ADAMTSL1: variants seen among roughly 807,000 people sequenced by gnomAD.
ADAMTSL1 encodes the protein ADAMTS-like protein 1.
Under a neutral mutation model 201.8 loss-of-function variants are expected in ADAMTSL1, and 126 were observed. That is an observed-to-expected ratio of 0.62 (90% confidence interval 0.54 to 0.72). The LOEUF (loss-of-function observed/expected upper bound fraction) is 0.72. ADAMTSL1 is among the 30% of genes least tolerant of loss of function. The pLI is 0.00. For missense variants in ADAMTSL1, 2,679 were observed against 2,277.8 expected (o/e 1.18, Z -3.59); for synonymous variants, 1,121 against 903.4 (o/e 1.24, Z -4.32).
At chr9:18,244,597 A>C (rs1489214362) in intron 2 of ADAMTSL1, among the ~76,000 whole-genome samples, 1 of 151,814 alleles carries the variant, frequency 6.6e-6, no homozygotes, top group Non-Finnish European at 1.5e-5. Flanking sequence ...TTCACCCTTC[A>C]AGCATGAACT....
At chr9:18,047,051 A>T (rs1290311022) in intron 1 of ADAMTSL1, among the ~76,000 whole-genome samples, 1 of 152,180 alleles carries the variant, frequency 6.6e-6, no homozygotes. Flanking sequence ...ATGACTACAT[A>T]GGATAATGGG....
chr9:18,096,457 C>T (rs1387790918), intron 1 of ADAMTSL1, among the ~76,000 whole-genome samples: 1 of 152,180 alleles, frequency 6.6e-6, no homozygotes, highest in Non-Finnish European at 1.5e-5. Context: ...ATAGTAGCCA[C>T]TGGCCCATGT....
At chr9:18,217,610 T>A (rs1830099707) in intron 2 of ADAMTSL1, among the ~76,000 whole-genome samples, 1 of 152,194 alleles carries the variant, frequency 6.6e-6, no homozygotes. Flanking sequence ...ATGATGGACA[T>A]GACAGGTTAT....
chr9:18,476,422 T>C (rs536638732), intron 1 of ADAMTSL1, among the ~76,000 whole-genome samples: 1 of 152,192 alleles, frequency 6.6e-6, no homozygotes, highest in Non-Finnish European at 1.5e-5. Flanking sequence ...CAGGTTGGTC[T>C]GTACCCTTTG....
At chr9:18,797,940 A>G (rs1822535546) in intron 20 of ADAMTSL1, among the ~76,000 whole-genome samples, 1 of 152,188 alleles carries the variant, frequency 6.6e-6, no homozygotes, top group Non-Finnish European at 1.5e-5. Context: ...ATCTTTCAGT[A>G]TGTGTCTTAA....
intron 1 of ADAMTSL1, among the ~76,000 whole-genome samples, chr9:18,100,785 C>T (rs1212459125): frequency 1.3e-5 from 2 of 152,172 alleles, no homozygotes; most frequent in Non-Finnish European, 2.9e-5. Flanking sequence ...TTGTTGTATT[C>T]ACTGTTATTG....
intron 2 of ADAMTSL1, among the ~76,000 whole-genome samples, chr9:18,293,303 A>G (rs959619067): frequency 1.3e-5 from 2 of 152,244 alleles, no homozygotes; most frequent in Non-Finnish European, 2.9e-5. Context: ...GCTGGATCAA[A>G]TAAGTAGTTC....
At chr9:18,890,724 C>CA (rs1431608245) in intron 25 of ADAMTSL1, 2 of 363,616 alleles carry the variant, frequency 5.5e-6, no homozygotes, top group Non-Finnish European at 1.1e-5. Flanking sequence ...TTCTCAAACC[C>CA]CCCCCACCCC....
intron 3 of ADAMTSL1, among the ~76,000 whole-genome samples, chr9:18,543,306 C>T (rs1260061581): frequency 6.6e-6 from 1 of 151,304 alleles, no homozygotes; most frequent in Admixed American, 6.6e-5. Context: ...TTAGGCAACA[C>T]ATCTGCAAAA....
rs56662538 is a variant in ADAMTSL1 at position 18,655,806 on chromosome 9, T to TAAAAAAAAAAAAAA, written c.835-1815_835-1802dup. ...AGAGAGCTAGAGGCTTTTGTGAGCT[T>TAAAAAAAAAAAAAA]AAAAAAAAAAAAAAAAAAAAAAAAA... On this transcript the variant is annotated intron_variant, in intron 7 of 28. Transcript: ENST00000380548. Among the ~76,000 whole-genome samples the TAAAAAAAAAAAAAA allele has an allele frequency of 2.2e-3, 180 of 81,834 alleles. 16 individuals are homozygous for TAAAAAAAAAAAAAA. The highest frequency in any genetic ancestry group is 9.6e-3 in the African/African-American group (145 of 15,096). 53.7% of individuals were successfully genotyped at this position (81,834 alleles called of 152,430 possible).
intron 23 of ADAMTSL1, among the ~76,000 whole-genome samples, chr9:18,834,474 T>C (rs1825190337): frequency 6.6e-6 from 1 of 152,184 alleles, no homozygotes; most frequent in South Asian, 2.1e-4. Context: ...AATCTGGTAG[T>C]TGATATTCAA....
At chr9:18,410,467 C>T (rs1818391095) in intron 2 of ADAMTSL1, among the ~76,000 whole-genome samples, 1 of 152,126 alleles carries the variant, frequency 6.6e-6, no homozygotes, top group African/African-American at 2.4e-5. Context: ...CAAGTGAGAA[C>T]ATGTGGTGTT....
intron 2 of ADAMTSL1, among the ~76,000 whole-genome samples, chr9:18,300,942 A>T (rs1317805422): frequency 6.6e-6 from 1 of 152,186 alleles, no homozygotes; most frequent in Non-Finnish European, 1.5e-5. Flanking sequence ...TGTTTGGGGA[A>T]AATTGCCTAT....
At chr9:18,677,663 A>G (rs1830203783) in intron 10 of ADAMTSL1, among the ~76,000 whole-genome samples, 1 of 152,036 alleles carries the variant, frequency 6.6e-6, no homozygotes. Context: ...TTAGGTTAAA[A>G]TTGATTTCTT....
In ADAMTSL1 at chr9:18,888,090, C is replaced by T. The variant is rs762412750; in HGVS notation, c.4462+47C>T. ...GCATACTGGACTTGAACAAGAAAGC[C>T]CACTTGGGAATCTAACTATCTAGCA... On this transcript the variant is annotated intron_variant, in intron 24 of 28. Coordinates refer to ENST00000380548, the MANE Select transcript of ADAMTSL1 (RefSeq NM_001040272.6). 4.1e-5 allele frequency: 65 copies of T among 1,570,116 alleles called. 1 individual carries two copies. In the Middle Eastern group the frequency reaches 2.0e-3, roughly 49 times the overall value.
At chr9:18,682,928 T>A (rs1446801499) in intron 12 of ADAMTSL1, among the ~76,000 whole-genome samples, 1 of 152,144 alleles carries the variant, frequency 6.6e-6, no homozygotes, top group Non-Finnish European at 1.5e-5. Context: ...ATGGGTGTAA[T>A]AATAGTATCT....
At position 18,908,563 on chromosome 9, in the gene ADAMTSL1, G is replaced by C. The variant is rs1262920821; in HGVS notation, c.*15G>C. On this transcript the variant is annotated 3_prime_UTR_variant, in exon 29 of 29. Transcript: ENST00000380548. ...GCAAAGCGTGAAGATAGGGTGTGGGGAAAAACTCTACCCTGGCCACACGAA... is the reference window on the plus strand; with the variant it reads ...GCAAAGCGTGAAGATAGGGTGTGGGCAAAAACTCTACCCTGGCCACACGAA... The C allele has an allele frequency of 1.3e-6, 2 of 1,550,556 alleles. No homozygotes were observed. Among genetic ancestry groups the C allele is most frequent in the Non-Finnish European group, 1.7e-6 (2 of 1,145,200 alleles).
chr9:18,006,585 G>T (rs543615423), intron 1 of ADAMTSL1, among the ~76,000 whole-genome samples: 2 of 152,086 alleles, frequency 1.3e-5, no homozygotes, highest in Non-Finnish European at 2.9e-5. Flanking sequence ...AACCAAGTTA[G>T]TTACGCATGT....
Position 18,126,869 on chromosome 9 carries a change from T to C in ADAMTSL1, c.88-36993T>C, listed in dbSNP as rs1456488373. Among the ~76,000 whole-genome samples the C allele has an allele frequency of 2.0e-5, 3 of 152,180 alleles. No individual in the cohort carries two copies. The East Asian group carries it at 5.8e-4, about 29-fold the overall frequency. ...TGTTGAAAACCCAGATTGCAACAAATAGTTGCAGTATGAGAAGATAGAGGG... is the reference window on the plus strand; with the variant it reads ...TGTTGAAAACCCAGATTGCAACAAACAGTTGCAGTATGAGAAGATAGAGGG... On this transcript the variant is annotated intron_variant, in intron 1 of 29. Transcript: ENST00000680146.
Sources: gnomAD v4.1 joint callset for allele counts (sites outside exome capture counted in the v4.1 genomes callset) on GRCh38, gnomAD v4.1.1 for gene constraint, MANE v1.5 for transcripts, NCBI Gene and HGNC (gene_info 2026-07-23, HGNC 2026-07-21) for gene names.